PCDH1: variants seen among roughly 807,000 people sequenced by gnomAD.
The protein encoded by PCDH1 is protocadherin 1.
Under a neutral mutation model 74.6 loss-of-function variants are expected in PCDH1, and 23 were observed. The ratio of observed to expected loss-of-function variants is 0.31; its 90% CI spans 0.22 to 0.44. PCDH1 has a LOEUF of 0.44. PCDH1 is among the 20% of genes least tolerant of loss of function. The probability of loss-of-function intolerance (pLI) is 1.00; values close to 1 mark genes in which losing one functional copy is unlikely to be tolerated. For synonymous variants in PCDH1, 647 were observed against 686.1 expected (o/e 0.94, Z 0.89); for missense variants, 1,214 against 1,641.4 (o/e 0.74, Z 4.50).
In PCDH1 at chr5:141,878,378, C is replaced by A; in HGVS notation, c.-116G>T. ...TGGGCGCAGCAGCCCGGCGGCTTTGCGTCCGCGCCGCGCTCCCGCTCCCCG... is the reference window on the plus strand; with the variant it reads ...TGGGCGCAGCAGCCCGGCGGCTTTGAGTCCGCGCCGCGCTCCCGCTCCCCG... On this transcript the variant is annotated 5_prime_UTR_variant, in exon 1 of 5. Transcript: ENST00000287008. This position sits in a 1 kb window ranked among gnomAD's most constrained non-coding sequence, Gnocchi z 5.5. 2.7e-6 allele frequency: 2 copies of A among 742,078 alleles called. No homozygotes were observed. Among genetic ancestry groups the A allele is most frequent in the Non-Finnish European group, 3.5e-6 (2 of 567,902 alleles). 46.0% of individuals were successfully genotyped at this position (742,078 alleles called of 1,614,324 possible).
At chr5:141,862,478 G>A (rs1200191111) in intron 3 of PCDH1, among the ~76,000 whole-genome samples, 1 of 152,098 alleles carries the variant, frequency 6.6e-6, no homozygotes, top group Non-Finnish European at 1.5e-5. Flanking sequence ...TAGGGACATG[G>A]GGGTGGATGG....
chr5:141,864,095 A>C lies in PCDH1; in HGVS notation c.2236T>G (p.Ser746Ala). The C allele has an allele frequency of 6.2e-7, 1 of 1,611,336 alleles. No homozygotes were observed. The change falls in exon 3 of 5, where the codon TCT becomes GCT. Residue 746 changes from serine to alanine, a missense_variant. By Grantham distance (99) the Ser-to-Ala change is moderately conservative (BLOSUM62 1). Around this residue, in one of 4 missense-constraint regions of PCDH1, gnomAD observed 836 missense variants for 1,182.2 expected, o/e 0.71. Coordinates refer to ENST00000287008, the MANE Select transcript of PCDH1 (RefSeq NM_032420.5). The surrounding 1 kb of genome is among the most constrained non-coding windows in gnomAD (Gnocchi z 5.9). The part of the protein sequence containing the change: ...VSQVAAEDFD[S>A]GVNAELIYSI... Reference sequence around the variant, plus strand: ...TAGATCAGCTCAGCATTGACACCAGAGTCAAAGTCCTCGGCTGCCACCTGG... The same window carrying C: ...TAGATCAGCTCAGCATTGACACCAGCGTCAAAGTCCTCGGCTGCCACCTGG...
chr5:141,872,028 C>T (rs1026541499), intron 1 of PCDH1, among the ~76,000 whole-genome samples: 1 of 152,174 alleles, frequency 6.6e-6, no homozygotes, highest in Admixed American at 6.5e-5. Flanking sequence ...CAAGCACAGG[C>T]CCCTCCCTAA....
At chr5:141,875,512 C>T (rs1216278953) in intron 1 of PCDH1, among the ~76,000 whole-genome samples, 72 of 152,110 alleles carry the variant, frequency 4.7e-4, no homozygotes, top group African/African-American at 2.4e-5. Context: ...AGCTCCTCCC[C>T]CACCCTCGCG....
chr5:141,857,020 A>T (rs1752373972), intron 4 of PCDH1, among the ~76,000 whole-genome samples: 1 of 152,174 alleles, frequency 6.6e-6, no homozygotes, highest in South Asian at 2.1e-4. Flanking sequence ...TGGGCAAGTG[A>T]CTTAACCTCT....
intron 4 of PCDH1, chr5:141,856,324 G>T: frequency 1.2e-5 from 17 of 1,366,656 alleles, no homozygotes; most frequent in Non-Finnish European, 1.7e-5. Flanking sequence ...CGGGGTGGGG[G>T]TGGAGGGCAC....
Position 141,868,967 on chromosome 5 carries a change from C to T in PCDH1, c.505G>A (p.Ala169Thr), listed in dbSNP as rs760965789. 8.1e-6 allele frequency: 13 copies of T among 1,614,146 alleles called. No individual in the cohort carries two copies. The highest frequency in any genetic ancestry group is 2.2e-5 in the South Asian group (2 of 91,076). ...QDINDNTPNF[A>T]SPVITLAIPE... ...ATGGCCAGAGTGATGACTGGTGAGG[C>T]GAAGTTGGGTGTGTTGTCATTGATG... The change falls in exon 2 of 5, where the codon GCC (alanine) becomes ACC (threonine). Residue 169 changes from alanine to threonine, a missense_variant. Ala to Thr is a moderately conservative substitution (Grantham distance 58). Transcript: ENST00000287008. This position sits in a 1 kb window ranked among gnomAD's most constrained non-coding sequence, Gnocchi z 4.8.
In PCDH1 at chr5:141,868,410, G is replaced by C. The variant is rs1752948562; in HGVS notation, c.903+159C>G. On this transcript the variant is annotated intron_variant, in intron 2 of 4. Transcript: ENST00000287008. The surrounding 1 kb of genome is among the most constrained non-coding windows in gnomAD (Gnocchi z 4.8). ...GAAAGTAATATCACCTGCTGGGGTGGGGTGGGAAAGACTCCCCTGGCTGAG... is the reference window on the plus strand; with the variant it reads ...GAAAGTAATATCACCTGCTGGGGTGCGGTGGGAAAGACTCCCCTGGCTGAG... 2 of 1,397,638 alleles carry C rather than the reference G, an allele frequency of 1.4e-6. No homozygotes were observed. The highest frequency in any genetic ancestry group is 1.9e-6 in the Non-Finnish European group (2 of 1,080,930). The allele number at this position is 1,397,638 out of a possible 1,614,324, so 86.6% of individuals were successfully genotyped here.
chr5:141,876,676 G>A (rs1327764886), intron 1 of PCDH1, among the ~76,000 whole-genome samples: 1 of 152,196 alleles, frequency 6.6e-6, no homozygotes, highest in Non-Finnish European at 1.5e-5. Context: ...TATGCCTGCC[G>A]CGATCTCCGT....
At position 141,869,415 on chromosome 5, in the gene PCDH1, C is replaced by T. The variant is rs138341103; in HGVS notation, c.57G>A (p.Gly19=). 2.5e-5 allele frequency: 40 copies of T among 1,597,522 alleles called. No individual in the cohort carries two copies. The African/African-American group carries it at 4.5e-4, about 18-fold the overall frequency. Reference sequence around the variant, plus strand: ...GCCTCAGGTGCTCCATCCTGGGAGGCCCCAGAATCAGGAGGGCTGCAAGGG... The same window carrying T: ...GCCTCAGGTGCTCCATCCTGGGAGGTCCCAGAATCAGGAGGGCTGCAAGGG... ...RCPEAALLIL[G]PPRMEHLRHS... Residue 19 remains glycine, a synonymous_variant, in exon 2 of 5, where the codon GGG becomes GGA. Coordinates refer to ENST00000287008, the MANE Select transcript of PCDH1 (RefSeq NM_032420.5). The surrounding 1 kb of genome is among the most constrained non-coding windows in gnomAD (Gnocchi z 4.9).
At chr5:141,856,535 A>T (rs1427187274) in intron 4 of PCDH1, among the ~76,000 whole-genome samples, 1 of 152,140 alleles carries the variant, frequency 6.6e-6, no homozygotes, top group East Asian at 1.9e-4. Flanking sequence ...CTCCCCCTCC[A>T]CAGGCTGCCA....
rs1334466594 is a variant in PCDH1 at position 141,878,095 on chromosome 5, C to T, written c.40+128G>A. ...GCTCCCAGCAGCCCCCACCTCAGCC[C>T]CCTCGCGCCGAGCTCGTGTTGGGCC... On this transcript the variant is annotated intron_variant, in intron 1 of 4. Coordinates refer to ENST00000287008, the MANE Select transcript of PCDH1 (RefSeq NM_032420.5). This position sits in a 1 kb window ranked among gnomAD's most constrained non-coding sequence, Gnocchi z 5.5. 21 of 814,910 alleles carry T rather than the reference C, an allele frequency of 2.6e-5. No individual in the cohort carries two copies. Among genetic ancestry groups the T allele is most frequent in the Non-Finnish European group, 2.6e-5 (15 of 582,692 alleles). The allele number at this position is 814,910 out of a possible 1,614,324, so 50.5% of individuals were successfully genotyped here. A position where few individuals can be genotyped will look rare whatever the true frequency, so the allele number is the denominator to read the frequency against.
Position 141,869,876 on chromosome 5 carries a change from G to C in PCDH1, c.41-445C>G. 1 of 885,302 alleles carries C rather than the reference G, an allele frequency of 1.1e-6. No homozygotes were observed. Among genetic ancestry groups the C allele is most frequent in the African/African-American group, 1.8e-5 (1 of 55,338 alleles). 54.8% of individuals were successfully genotyped at this position (885,302 alleles called of 1,614,324 possible). On this transcript the variant is annotated intron_variant, in intron 1 of 4. Transcript: ENST00000287008. This position sits in a 1 kb window ranked among gnomAD's most constrained non-coding sequence, Gnocchi z 4.9. ...GGAGAGAGAGCCAGTGGAAGGGTGA[G>C]ACCTCGAGCATCCCCAACTGGAGCA... is the stretch of plus-strand genomic sequence containing the variant.
At chr5:141,870,949 C>T (rs1753077671) in intron 1 of PCDH1, among the ~76,000 whole-genome samples, 1 of 152,226 alleles carries the variant, frequency 6.6e-6, no homozygotes, top group African/African-American at 2.4e-5. Flanking sequence ...AGGGCAGGCT[C>T]TGGCCCTCCA....
chr5:141,854,701 T>G (rs1239915302), intron 4 of PCDH1, among the ~76,000 whole-genome samples: 1 of 152,180 alleles, frequency 6.6e-6, no homozygotes, highest in Non-Finnish European at 1.5e-5. Flanking sequence ...GATGGAGTCT[T>G]GCTCTTGTCA....
In PCDH1 at chr5:141,862,918, T is replaced by C. The variant is rs542734008; in HGVS notation, c.3099+314A>G. On this transcript the variant is annotated intron_variant, in intron 3 of 4. Coordinates refer to ENST00000287008, the MANE Select transcript of PCDH1 (RefSeq NM_032420.5). ...ATTTCCCTCCCCACTTACGCTCACC[T>C]GCCTACCACCCCCAACCCATAAGGC... 5.2e-5 allele frequency: 64 copies of C among 1,226,276 alleles called. No individual in the cohort carries two copies. In the African/African-American group the frequency reaches 9.2e-4, roughly 18 times the overall value. 76.0% of individuals were successfully genotyped at this position (1,226,276 alleles called of 1,614,324 possible).
Position 141,854,015 on chromosome 5 carries a change from AG to A in PCDH1, c.*26del, listed in dbSNP as rs747745439. On this transcript the variant is annotated 3_prime_UTR_variant, in exon 5 of 5. Transcript: ENST00000287008. ...TTGGGAGCTGGCCGGCGGCTGGGGG[AG>A]GGGGGCCGGCCGGCCAGTAGGGGGC... 27 of 1,465,646 alleles carry A rather than the reference AG, an allele frequency of 1.8e-5. No homozygotes were observed. In the East Asian group the frequency reaches 4.0e-4, roughly 22 times the overall value. 90.8% of individuals were successfully genotyped at this position (1,465,646 alleles called of 1,614,324 possible).
rs1426762340 is a variant in PCDH1 at position 141,853,670 on chromosome 5, G to T, written c.*372C>A. On this transcript the variant is annotated 3_prime_UTR_variant, in exon 5 of 5. Transcript: ENST00000287008. ...TGGGCATGCTATCCCCGCCCTGGTC[G>T]GCCATGAGGGAAACAATGAGTTAGA... 5.5e-6 allele frequency: 1 copy of T among 181,636 alleles called. No homozygotes were observed. Among genetic ancestry groups the T allele is most frequent in the Non-Finnish European group, 1.1e-5 (1 of 87,646 alleles). 11.3% of individuals were successfully genotyped at this position (181,636 alleles called of 1,614,324 possible).
chr5:141,868,449 G>T lies in PCDH1; in HGVS notation c.903+120C>A, dbSNP rs550025120. 3.9e-5 allele frequency: 57 copies of T among 1,454,382 alleles called. No individual in the cohort carries two copies. In the African/African-American group the frequency reaches 7.3e-4, roughly 19 times the overall value. The allele number at this position is 1,454,382 out of a possible 1,614,324, so 90.1% of individuals were successfully genotyped here. A position where few individuals can be genotyped will look rare whatever the true frequency, so the allele number is the denominator to read the frequency against. On this transcript the variant is annotated intron_variant, in intron 2 of 4. Transcript: ENST00000287008. This position sits in a 1 kb window ranked among gnomAD's most constrained non-coding sequence, Gnocchi z 4.8. ...CCCCTGGCTGAGTTTGGGGAGAAGG[G>T]GTCTCACTACAGTATTCTGGCAGTT...
Sources: allele counts gnomAD v4.1 joint callset (sites outside exome capture counted in the v4.1 genomes callset), GRCh38; gene constraint gnomAD v4.1.1; regional missense constraint gnomAD v4.1.1; non-coding constraint Gnocchi (gnomAD v3.1); transcripts MANE v1.5; gene names NCBI Gene and HGNC (gene_info 2026-07-23, HGNC 2026-07-21).